Variants in TIAM2 observed in about 807,000 individuals in gnomAD.
The protein encoded by TIAM2 is rho guanine nucleotide exchange factor TIAM2.
A neutral mutation model predicts 152.9 loss-of-function variants in TIAM2; 80 were observed. The observed-to-expected ratio is 0.52, with a 90% CI of 0.44 to 0.63. TIAM2 has a LOEUF of 0.63. Among genes scored for constraint, TIAM2 ranks in the 30% least tolerant of loss-of-function variants. TIAM2 has a pLI of 0.00. For missense variants in TIAM2, 1,965 were observed against 2,120.1 expected, an observed-to-expected ratio of 0.93 and a Z score of 1.44; for synonymous variants, 804 against 838.0, an observed-to-expected ratio of 0.96 and a Z score of 0.70.
chr6:155,032,890 A>G (rs1487563360), intron 1 of TIAM2, among the ~76,000 whole-genome samples: 1 of 152,040 alleles, frequency 6.6e-6, no homozygotes, highest in Non-Finnish European at 1.5e-5. Flanking sequence ...GCAAAGGAAT[A>G]CTCCAAAGGA....
At chr6:155,049,280 A>G (rs763418944) in intron 1 of TIAM2, among the ~76,000 whole-genome samples, 6 of 152,004 alleles carry the variant, frequency 3.9e-5, no homozygotes, top group Non-Finnish European at 8.8e-5. Context: ...GCTGCTTGTC[A>G]CCTTCCTGGG....
At position 155,146,281 on chromosome 6, in the gene TIAM2, T is replaced by G. The variant is rs1020457708; in HGVS notation, c.1803+1503T>G. 2.4e-4 allele frequency among the ~76,000 whole-genome samples: 36 copies of G among 152,284 alleles called. 1 individual carries two copies. The highest frequency in any genetic ancestry group is 8.7e-4 in the African/African-American group (36 of 41,560). On this transcript the variant is annotated intron_variant, in intron 6 of 26. Coordinates refer to ENST00000682666, the MANE Select transcript of TIAM2 (RefSeq NM_012454.4). Reference sequence around the variant, plus strand: ...CTGTGGTCCCAGCTACTTGGGAGGCTGAGGCTTGAGGATCATTTGAGCTCA... The same window carrying G: ...CTGTGGTCCCAGCTACTTGGGAGGCGGAGGCTTGAGGATCATTTGAGCTCA...
At chr6:155,243,935 A>AGG in intron 16 of TIAM2, 76 bp from the exon 17 acceptor site, 1 of 1,061,342 alleles carries the variant, frequency 9.4e-7, no homozygotes, top group Non-Finnish European at 1.4e-6. Context: ...AGCTGCTGCC[A>AGG]GGTTGCTGCT....
chr6:155,106,757 T>A (rs868247339), intron 2 of TIAM2, among the ~76,000 whole-genome samples: 15 of 152,342 alleles, frequency 9.8e-5, no homozygotes, highest in Middle Eastern at 6.8e-3. Context: ...CGTGTTCCTA[T>A]GGAACTTCGG....
At chr6:155,143,116 G>A (rs1779748661) in intron 5 of TIAM2, among the ~76,000 whole-genome samples, 2 of 152,200 alleles carry the variant, frequency 1.3e-5, no homozygotes, top group Admixed American at 6.5e-5. Flanking sequence ...AGGCACTTGC[G>A]AAGCACCCAG....
intron 1 of TIAM2, among the ~76,000 whole-genome samples, chr6:155,051,218 A>G (rs922121778): frequency 6.6e-6 from 1 of 152,160 alleles, no homozygotes; most frequent in African/African-American, 2.4e-5. Context: ...GTGGAGAATA[A>G]GAAGAATGGA....
intron 1 of TIAM2, among the ~76,000 whole-genome samples, chr6:155,042,467 C>A (rs1777069415): frequency 6.6e-6 from 1 of 152,144 alleles, no homozygotes. Context: ...ATGGTGGGAC[C>A]TGTAGTCCCA....
chr6:155,246,463 A>T (rs527334338), intron 19 of TIAM2, among the ~76,000 whole-genome samples: 1 of 152,154 alleles, frequency 6.6e-6, no homozygotes, highest in Non-Finnish European at 1.5e-5. Flanking sequence ...CCTCCCACAA[A>T]CACCCTCTTT....
intron 9 of TIAM2, among the ~76,000 whole-genome samples, chr6:155,172,249 T>C (rs1488307427): frequency 6.6e-6 from 1 of 152,242 alleles, no homozygotes; most frequent in African/African-American, 2.4e-5. Context: ...CAGTTGGAGC[T>C]GACTGCAAGG....
chr6:155,171,409 C>T lies in TIAM2; in HGVS notation c.2362-5407C>T, dbSNP rs369007814. 5.9e-5 allele frequency among the ~76,000 whole-genome samples: 9 copies of T among 152,330 alleles called. No individual in the cohort carries two copies. In the East Asian group the frequency reaches 1.3e-3, roughly 23 times the overall value. On this transcript the variant is annotated intron_variant, in intron 9 of 26. Transcript: ENST00000682666. ...AAAGTCCCCACTAAGGCTCAGATGG[C>T]GGCAACCCCAGAAGCTTCATTGCAG...
At chr6:155,183,557 A>G in intron 14 of TIAM2, 57 bp downstream of exon 14, 1 of 1,529,036 alleles carries the variant, frequency 6.5e-7, no homozygotes, top group Non-Finnish European at 8.8e-7. Flanking sequence ...CAATATTTTT[A>G]GGCTGTAATT....
intron 7 of TIAM2, among the ~76,000 whole-genome samples, chr6:155,163,459 G>C (rs560186158): frequency 1.3e-5 from 2 of 152,176 alleles, no homozygotes. Flanking sequence ...CCAGAGTTTG[G>C]CTGCATTTCT....
At chr6:155,102,154 G>A (rs947187229) in intron 2 of TIAM2, among the ~76,000 whole-genome samples, 1 of 151,488 alleles carries the variant, frequency 6.6e-6, no homozygotes, top group African/African-American at 2.4e-5. Context: ...GTGCCACCAT[G>A]CCTGGCTAAT....
chr6:155,006,535 G>A (rs996792935), intron 1 of TIAM2, among the ~76,000 whole-genome samples: 8 of 151,476 alleles, frequency 5.3e-5, no homozygotes, highest in East Asian at 2.0e-4. Context: ...GTGTGGTGGC[G>A]CATGCCTGTA....
intron 1 of TIAM2, among the ~76,000 whole-genome samples, chr6:155,087,781 A>T (rs1373413982): frequency 6.6e-6 from 1 of 152,160 alleles, no homozygotes; most frequent in Non-Finnish European, 1.5e-5. Context: ...AAATAAATAA[A>T]AAATTTGTCC....
At chr6:155,069,515 A>G (rs1223731011) in intron 1 of TIAM2, among the ~76,000 whole-genome samples, 1 of 152,234 alleles carries the variant, frequency 6.6e-6, no homozygotes, top group Non-Finnish European at 1.5e-5. Context: ...TCTATAAAGC[A>G]GCATACATTT....
chr6:155,215,224 G>C (rs2115225237), intron 15 of TIAM2, among the ~76,000 whole-genome samples: 1 of 152,300 alleles, frequency 6.6e-6, no homozygotes, highest in Non-Finnish European at 1.5e-5. Context: ...TGCCAACTCT[G>C]TTATTTAACA....
At chr6:155,004,369 C>T (rs1445303884) in intron 1 of TIAM2, among the ~76,000 whole-genome samples, 3 of 152,112 alleles carry the variant, frequency 2.0e-5, no homozygotes, top group Non-Finnish European at 4.4e-5. Flanking sequence ...TTGGAGTTCA[C>T]CCCAAATTTC....
At chr6:155,137,658 C>T (rs1779587992) in intron 5 of TIAM2, 46 bp downstream of exon 5, 1 of 1,507,598 alleles carries the variant, frequency 6.6e-7, no homozygotes, top group Admixed American at 2.2e-5. Context: ...TTGTTTCCGC[C>T]AGCCGTGCTC....
Sources: allele counts gnomAD v4.1 joint callset (sites outside exome capture counted in the v4.1 genomes callset), GRCh38; gene constraint gnomAD v4.1.1; transcripts MANE v1.5; gene names NCBI Gene and HGNC (gene_info 2026-07-23, HGNC 2026-07-21).